The following FAM83H variants were observed in gnomAD, a reference collection of about 807,000 sequenced individuals.
The protein encoded by FAM83H is protein FAM83H.
FAM83H carries 24 observed loss-of-function variants against 30.2 expected under a neutral mutation model. The ratio of observed to expected loss-of-function variants is 0.79; its 90% CI spans 0.57 to 1.12. FAM83H has a LOEUF of 1.12. FAM83H is among the 50% of genes most tolerant of loss of function. The probability of loss-of-function intolerance (pLI) is 0.00; values close to 1 mark genes in which losing one functional copy is unlikely to be tolerated. For missense variants in FAM83H, 2,038 were observed against 1,773.9 expected (o/e 1.15, Z -2.67); for synonymous variants, 1,013 against 821.7 (o/e 1.23, Z -3.98).
rs201995455 is a variant in FAM83H at position 143,730,198 on chromosome 8, G to A, written c.385C>T (p.Pro129Ser). 1.8e-4 allele frequency: 286 copies of A among 1,610,268 alleles called. No individual in the cohort carries two copies. Among genetic ancestry groups the A allele is most frequent in the Admixed American group, 1.0e-3 (60 of 59,912 alleles). ...TTGATACTGGGGCTGTCGGGGGGCG[G>A]TGGCTGCACCAAGGTGGTCACCTCG... is the stretch of plus-strand genomic sequence containing the variant. Reference protein sequence around the residue: ...GTEVTTLVQPPPPDSPSIKDE... With the variant: ...GTEVTTLVQPSPPDSPSIKDE... The change falls in exon 2 of 5, where the codon CCG (proline) becomes TCG (serine). Residue 129 changes from proline to serine, a missense_variant. Transcript: ENST00000388913.
chr8:143,728,031 C>T lies in FAM83H; in HGVS notation c.1430G>A (p.Arg477His), dbSNP rs1818373141. 4.4e-6 allele frequency: 7 copies of T among 1,606,108 alleles called. No individual in the cohort carries two copies. The highest frequency in any genetic ancestry group is 5.9e-6 in the Non-Finnish European group (7 of 1,178,914). Residue 477 changes from arginine to histidine, a missense_variant, in exon 5 of 5, where the codon CGC becomes CAC. Physicochemically the swap from Arg to His is conservative, Grantham distance 29. Transcript: ENST00000388913. ...ARPQGLFEKL[R>H]GGRAGFADPD... ...GTCCGCGAAACCCGCGCGGCCCCCG[C>T]GAAGCTTCTCGAACAGGCCTTGCGG...
rs371289649 is a variant in FAM83H, at chr8:143,728,122, G to A, written c.1339C>T (p.His447Tyr). Residue 447 changes from histidine (H) to tyrosine (Y), a missense_variant, in exon 5 of 5, where the codon CAC (histidine) becomes TAC (tyrosine). By Grantham distance (83) the His-to-Tyr change is moderately conservative. Transcript: ENST00000388913. ...HGDDFRFQTSHFHRDQLYQQQ... is the reference protein window; with the variant it reads ...HGDDFRFQTSYFHRDQLYQQQ... ...TGGTAGAGCTGGTCACGGTGGAAGTGGCTGGTCTGGAAGCGGAAGTCGTCG... is the reference window on the plus strand; with the variant it reads ...TGGTAGAGCTGGTCACGGTGGAAGTAGCTGGTCTGGAAGCGGAAGTCGTCG... 4.6e-5 allele frequency: 74 copies of A among 1,610,612 alleles called. No homozygotes were observed. Among genetic ancestry groups the A allele is most frequent in the Non-Finnish European group, 6.0e-5 (71 of 1,179,294 alleles).
Position 143,727,026 on chromosome 8 carries a change from GCGGCTCCCGGCTGCCGCTC to G in FAM83H, c.2416_2434del (p.Glu806ArgfsTer162). On this transcript the variant is annotated frameshift_variant, in exon 5 of 5. Coordinates refer to ENST00000388913, the MANE Select transcript of FAM83H (RefSeq NM_198488.5). LOFTEE classifies it low-confidence loss of function (END_TRUNC). Reference sequence around the variant, plus strand: ...GAGCAGCTGCGCCGCGGTGAGCGACGCGGCTCCCGGCTGCCGCTCCGCCTCCTGGTGCAGCTGCTGTGCA... The same window carrying G: ...GAGCAGCTGCGCCGCGGTGAGCGACGCGCCTCCTGGTGCAGCTGCTGTGCA... The G allele has an allele frequency of 1.3e-6, 2 of 1,560,440 alleles. No homozygotes were observed. Among genetic ancestry groups the G allele is most frequent in the Non-Finnish European group, 1.7e-6 (2 of 1,157,800 alleles).
In FAM83H at chr8:143,728,094, TGCTGGTAGA is replaced by T; in HGVS notation, c.1358_1366del (p.Leu453_Gln455del). 1.2e-6 allele frequency: 2 copies of T among 1,610,870 alleles called. No individual in the cohort carries two copies. The highest frequency in any genetic ancestry group is 4.5e-5 in the East Asian group (2 of 44,790). On this transcript the variant is annotated inframe_deletion, in exon 5 of 5. Coordinates refer to ENST00000388913, the MANE Select transcript of FAM83H (RefSeq NM_198488.5). Reference sequence around the variant, plus strand: ...GAGCTGCGGGTCCCACTGGTACTGCTGCTGGTAGAGCTGGTCACGGTGGAAGTGGCTGGT... The same window carrying T: ...GAGCTGCGGGTCCCACTGGTACTGCTGCTGGTCACGGTGGAAGTGGCTGGT...
chr8:143,725,156 C>CGGGGGGGGGGGGG lies in FAM83H; in HGVS notation c.*752_*764dup, dbSNP rs549881150. 1.1e-3 allele frequency: 41 copies of CGGGGGGGGGGGGG among 37,444 alleles called. No individual in the cohort carries two copies. The highest frequency in any genetic ancestry group is 1.2e-3 in the Admixed American group (5 of 4,218). The allele number at this position is 37,444 out of a possible 1,614,324, so 2.3% of individuals were successfully genotyped here. A position where few individuals can be genotyped will look rare whatever the true frequency, so the allele number is the denominator to read the frequency against. The stretch of plus-strand genomic sequence containing the variant: ...AAGCCCAGGCGGGGGAGGGGGGAGA[C>CGGGGGGGGGGGGG]GGGGGGGGGGGGGGGGGAGGGAAGG... On this transcript the variant is annotated 3_prime_UTR_variant, in exon 5 of 5. Transcript: ENST00000388913.
At chr8:143,732,473 GTTGT>G in intron 1 of FAM83H, 1 of 985,360 alleles carries the variant, frequency 1.0e-6, no homozygotes, top group Non-Finnish European at 1.2e-6. Flanking sequence ...CCCTGCTGAT[GTTGT>G]TTGAGGGTAC....
intron 2 of FAM83H, 100 bp from the exon 3 acceptor site, chr8:143,729,423 A>G: frequency 7.3e-7 from 1 of 1,361,248 alleles, no homozygotes; most frequent in Non-Finnish European, 1.0e-6. Flanking sequence ...ATCACCCACG[A>G]CCACTGTGAA....
At position 143,729,236 on chromosome 8, in the gene FAM83H, TG is replaced by T; in HGVS notation, c.534del (p.Tyr178Ter). On this transcript the variant is annotated frameshift_variant, in exon 3 of 5. Coordinates refer to ENST00000388913, the MANE Select transcript of FAM83H (RefSeq NM_198488.5). LOFTEE classifies it high-confidence loss of function. ...TGCGCGTTCATCTCATCCAGCAGGATGTAGACTGGGACCCGACGGGCCGCGG... is the reference window on the plus strand; with the variant it reads ...TGCGCGTTCATCTCATCCAGCAGGATTAGACTGGGACCCGACGGGCCGCGG... Reference protein sequence around the residue: ...LEAAARRVPVYILLDEMNAQH... With the variant: ...LEAAARRVPVXILLDEMNAQH... The T allele has an allele frequency of 6.2e-7, 1 of 1,613,398 alleles. No individual in the cohort carries two copies. Among genetic ancestry groups the T allele is most frequent in the Non-Finnish European group, 8.5e-7 (1 of 1,179,968 alleles).
chr8:143,733,537 G>A lies in FAM83H; in HGVS notation c.-16+154C>T, dbSNP rs557101977. Reference sequence around the variant, plus strand: ...AGCAGCCCCGCCACCCCGGCCCCGCGCACGCGGCCGCGCTCCACTCCCACC... The same window carrying A: ...AGCAGCCCCGCCACCCCGGCCCCGCACACGCGGCCGCGCTCCACTCCCACC... On this transcript the variant is annotated intron_variant, in intron 1 of 4. Transcript: ENST00000388913. The surrounding 1 kb of genome is among the most constrained non-coding windows in gnomAD (Gnocchi z 5.6). Among the ~76,000 whole-genome samples the A allele has an allele frequency of 1.9e-3, 293 of 151,226 alleles. No homozygotes were observed. Among genetic ancestry groups the A allele is most frequent in the Non-Finnish European group, 3.1e-3 (209 of 67,690 alleles).
Position 143,727,018 on chromosome 8 carries a change from T to G in FAM83H, c.2443A>C (p.Thr815Pro). 6.4e-7 allele frequency: 1 copy of G among 1,569,610 alleles called. No homozygotes were observed. Among genetic ancestry groups the G allele is most frequent in the Non-Finnish European group, 8.6e-7 (1 of 1,161,508 alleles). ...AGTGTGTCGAGCAGCTGCGCCGCGG[T>G]GAGCGACGCGGCTCCCGGCTGCCGC... ...AERQPGAASL[T>P]AAQLLDTLGR... The change falls in exon 5 of 5, where the codon ACC (threonine) becomes CCC (proline). Residue 815 changes from threonine (T) to proline (P), a missense_variant. Thr to Pro is a conservative substitution (Grantham distance 38). Coordinates refer to ENST00000388913, the MANE Select transcript of FAM83H (RefSeq NM_198488.5).
At position 143,733,216 on chromosome 8, in the gene FAM83H, G is replaced by C. The variant is rs1000580037; in HGVS notation, c.-16+475C>G. ...CTGGGTGCCCTATCCGCCCACCCCAGCCCAGGAACGTGGGCGCGAGGGGCA... is the reference window on the plus strand; with the variant it reads ...CTGGGTGCCCTATCCGCCCACCCCACCCCAGGAACGTGGGCGCGAGGGGCA... On this transcript the variant is annotated intron_variant, in intron 1 of 4. Transcript: ENST00000388913. The surrounding 1 kb of genome is among the most constrained non-coding windows in gnomAD (Gnocchi z 5.6). 6.6e-6 allele frequency: 1 copy of C among 152,498 alleles called. No individual in the cohort carries two copies. The highest frequency in any genetic ancestry group is 1.9e-4 in the East Asian group (1 of 5,144). 9.4% of individuals were successfully genotyped at this position (152,498 alleles called of 1,614,324 possible).
rs1554623295 is a variant in FAM83H, at chr8:143,728,310, G to A, written c.1151C>T (p.Ala384Val). Residue 384 changes from alanine (A) to valine (V), a missense_variant, in exon 5 of 5, where the codon GCC (alanine) becomes GTC (valine). Coordinates refer to ENST00000388913, the MANE Select transcript of FAM83H (RefSeq NM_198488.5). ...RPLSRRLEAE[A>V]GPAGELAGAR... ...GCCCGCGAGCTCCCCAGCCGGCCCG[G>A]CCTCGGCCTCCAGGCGCCGCGAGAG... 3 of 1,446,420 alleles carry A rather than the reference G, an allele frequency of 2.1e-6. No individual in the cohort carries two copies. In the Admixed American group the frequency reaches 9.2e-5, roughly 44 times the overall value. The allele number at this position is 1,446,420 out of a possible 1,614,324, so 89.6% of individuals were successfully genotyped here. A position where few individuals can be genotyped will look rare whatever the true frequency, so the allele number is the denominator to read the frequency against.
Position 143,726,196 on chromosome 8 carries a change from T to C in FAM83H, c.3265A>G (p.Lys1089Glu). The C allele has an allele frequency of 6.2e-7, 1 of 1,612,380 alleles. No homozygotes were observed. Among genetic ancestry groups the C allele is most frequent in the Non-Finnish European group, 8.5e-7 (1 of 1,179,758 alleles). ...VLAPDMSDKD[K>E]CSAIFRSDSL... ...TCCGAGCGGAAGATGGCTGAACACT[T>C]GTCCTTGTCGGACATATCTGGGGCC... Residue 1089 changes from lysine (K) to glutamate (E), a missense_variant, in exon 5 of 5, where the codon AAG becomes GAG. Coordinates refer to ENST00000388913, the MANE Select transcript of FAM83H (RefSeq NM_198488.5).
chr8:143,732,425 T>G, intron 1 of FAM83H: 1 of 985,374 alleles, frequency 1.0e-6, no homozygotes, highest in Non-Finnish European at 1.2e-6. Flanking sequence ...AGCCTGTCTG[T>G]AGGGGCGGTG....
rs1478428095 is a variant in FAM83H at position 143,733,102 on chromosome 8, G to A, written c.-16+589C>T. 6.5e-6 allele frequency: 1 copy of A among 154,532 alleles called. No individual in the cohort carries two copies. The highest frequency in any genetic ancestry group is 1.5e-5 in the Non-Finnish European group (1 of 68,370). 9.6% of individuals were successfully genotyped at this position (154,532 alleles called of 1,614,324 possible). A position where few individuals can be genotyped will look rare whatever the true frequency, so the allele number is the denominator to read the frequency against. On this transcript the variant is annotated intron_variant, in intron 1 of 4. Transcript: ENST00000388913. The surrounding 1 kb of genome is among the most constrained non-coding windows in gnomAD (Gnocchi z 5.6). ...TGGGGTGCGGAGGACGGGGCTCACA[G>A]ACCGGAAGTCGCTCAGTGATAACTT...
Position 143,725,968 on chromosome 8 carries a change from C to T in FAM83H, c.3493G>A (p.Gly1165Ser). ...AEEGTRDSKV[G>S]KFVPKILGTF... ...CCCAGGATCTTGGGCACGAACTTGC[C>T]CACCTTGCTGTCCCTGGTGCCCTCC... The change falls in exon 5 of 5, where the codon GGC (glycine) becomes AGC (serine). Residue 1165 changes from glycine to serine, a missense_variant. Transcript: ENST00000388913. 1 of 1,613,024 alleles carries T rather than the reference C, an allele frequency of 6.2e-7. No individual in the cohort carries two copies. Among genetic ancestry groups the T allele is most frequent in the Non-Finnish European group, 8.5e-7 (1 of 1,179,936 alleles).
Position 143,727,059 on chromosome 8 carries a change from A to G in FAM83H, c.2402T>C (p.Leu801Pro), listed in dbSNP as rs552468993. The change falls in exon 5 of 5, where the codon CTG becomes CCG. Residue 801 changes from leucine (L) to proline (P), a missense_variant. Leu to Pro is a moderately conservative substitution (Grantham distance 98, BLOSUM62 -3). Transcript: ENST00000388913. ...LDLRDSFAQQ[L>P]HQEAERQPGA... ...CGGCTGCCGCTCCGCCTCCTGGTGC[A>G]GCTGCTGTGCAAAGGAGTCGCGCAG... is the stretch of plus-strand genomic sequence containing the variant. 1 of 1,549,296 alleles carries G rather than the reference A, an allele frequency of 6.5e-7. No homozygotes were observed. The highest frequency in any genetic ancestry group is 1.4e-5 in the African/African-American group (1 of 73,618).
Position 143,724,290 on chromosome 8 carries a change from C to G in FAM83H, c.*1631G>C, listed in dbSNP as rs189799886. The G allele has an allele frequency of 1.3e-5, 2 of 152,080 alleles. No homozygotes were observed. The highest frequency in any genetic ancestry group is 2.4e-5 in the African/African-American group (1 of 41,392). 9.4% of individuals were successfully genotyped at this position (152,080 alleles called of 1,614,324 possible). ...TCCTTCCTTTCCCAGCTGCTGGAGTCGGAACTGCTGCCTTTGTTTGGCGGC... is the reference window on the plus strand; with the variant it reads ...TCCTTCCTTTCCCAGCTGCTGGAGTGGGAACTGCTGCCTTTGTTTGGCGGC... On this transcript the variant is annotated 3_prime_UTR_variant, in exon 5 of 5. Transcript: ENST00000388913.
chr8:143,727,256 C>T lies in FAM83H; in HGVS notation c.2205G>A (p.Ala735=), dbSNP rs1818334869. The T allele has an allele frequency of 2.0e-6, 3 of 1,535,086 alleles. No homozygotes were observed. The highest frequency in any genetic ancestry group is 2.0e-5 in the Admixed American group (1 of 50,954). Residue 735 remains alanine, a synonymous_variant, in exon 5 of 5, where the codon GCG becomes GCA. Coordinates refer to ENST00000388913, the MANE Select transcript of FAM83H (RefSeq NM_198488.5). The part of the protein sequence containing the change: ...AVRSAASTKV[A]ELLEKYKGPA... ...GGCCCTTGTACTTCTCCAGCAGCTC[C>T]GCCACCTTGGTGGAAGCCGCGGAGC...
Sources: allele counts gnomAD v4.1 joint callset (sites outside exome capture counted in the v4.1 genomes callset), GRCh38; gene constraint gnomAD v4.1.1; non-coding constraint Gnocchi (gnomAD v3.1); transcripts MANE v1.5; gene names NCBI Gene and HGNC (gene_info 2026-07-23, HGNC 2026-07-21).